CCL25: variants seen among roughly 807,000 people sequenced by gnomAD.
The protein encoded by CCL25 is C-C motif chemokine 25.
CCL25 carries 14 observed loss-of-function variants against 19.9 expected under a neutral mutation model. The ratio of observed to expected loss-of-function variants is 0.70; its 90% CI spans 0.47 to 1.10. CCL25 has a LOEUF of 1.10. Among genes scored for constraint, CCL25 ranks in the 50% least tolerant of loss-of-function variants. The pLI, the probability that CCL25 is intolerant of heterozygous loss-of-function variation, is 0.00. For synonymous variants in CCL25, 68 were observed against 73.2 expected (o/e 0.93, Z 0.36); for missense variants, 151 against 181.2 (o/e 0.83, Z 0.96).
chr19:8,057,661 C>T, intron 4 of CCL25, 140 bp from the exon 5 acceptor site: 2 of 1,329,644 alleles, frequency 1.5e-6, no homozygotes, highest in Non-Finnish European at 2.0e-6. Context: ...GGACACTTTC[C>T]ACTGGTACAG....
Position 8,056,437 on chromosome 19 carries a change from A to C in CCL25, c.263A>C (p.Lys88Thr), listed in dbSNP as rs1489200231. The C allele has an allele frequency of 6.2e-7, 1 of 1,614,160 alleles. No homozygotes were observed. Among genetic ancestry groups the C allele is most frequent in the South Asian group, 1.1e-5 (1 of 91,072 alleles). ...PKSREVQRAM[K>T]LLDARNKVFA... ...AGCAGGGAGGTGCAGAGAGCCATGA[A>C]GCTCCTGGATGCTCGAAATAAGGTT... The change falls in exon 4 of 6, where the codon AAG becomes ACG. Residue 88 changes from lysine to threonine, a missense_variant. Lys to Thr is a moderately conservative substitution (Grantham distance 78). Coordinates refer to ENST00000315626, the MANE Select transcript of CCL25 (RefSeq NM_005624.4).
chr19:8,056,475 C>T lies in CCL25; in HGVS notation c.301C>T (p.His101Tyr). Residue 101 changes from histidine to tyrosine, a missense_variant, in exon 4 of 6, where the codon CAC (histidine) becomes TAC (tyrosine). Coordinates refer to ENST00000315626, the MANE Select transcript of CCL25 (RefSeq NM_005624.4). ...DARNKVFAKL[H>Y]HNTQTFQAGP... The stretch of plus-strand genomic sequence containing the variant: ...TCGAAATAAGGTTTTTGCAAAGCTC[C>T]ACCACAACACGCAGACCTTCCAAGG... 1 of 1,614,114 alleles carries T rather than the reference C, an allele frequency of 6.2e-7. No individual in the cohort carries two copies. Among genetic ancestry groups the T allele is most frequent in the East Asian group, 2.2e-5 (1 of 44,892 alleles).
intron 2 of CCL25, among the ~76,000 whole-genome samples, chr19:8,054,889 T>A (rs1184992230): frequency 1.3e-5 from 2 of 151,796 alleles, no homozygotes; most frequent in Non-Finnish European, 2.9e-5. Flanking sequence ...GTTTTGCTAT[T>A]GTCGCCCAGG....
chr19:8,057,667 T>C, intron 4 of CCL25, 134 bp from the exon 5 acceptor site: 2 of 1,356,188 alleles, frequency 1.5e-6, no homozygotes, highest in Non-Finnish European at 1.9e-6. Context: ...TTTCCACTGG[T>C]ACAGATGGAA....
intron 5 of CCL25, among the ~76,000 whole-genome samples, chr19:8,059,949 C>T (rs571366336): frequency 2.5e-4 from 38 of 151,972 alleles, no homozygotes; most frequent in Middle Eastern, 6.8e-3. Context: ...ATTAGCCGGG[C>T]GTGGTGGCAG....
intron 4 of CCL25, 70 bp from the exon 5 acceptor site, chr19:8,057,731 G>T: frequency 1.3e-6 from 2 of 1,520,066 alleles, no homozygotes; most frequent in Non-Finnish European, 1.8e-6. Context: ...ACAGCTTCAG[G>T]CTCAGCTGGA....
chr19:8,053,095 G>T lies in CCL25; in HGVS notation c.46G>T (p.Ala16Ser). 2 of 1,557,010 alleles carry T rather than the reference G, an allele frequency of 1.3e-6. No individual in the cohort carries two copies. The highest frequency in any genetic ancestry group is 1.2e-5 in the South Asian group (1 of 84,394). Residue 16 changes from alanine (A) to serine (S), a missense_variant, in exon 2 of 6, where the codon GCC (alanine) becomes TCC (serine). Coordinates refer to ENST00000315626, the MANE Select transcript of CCL25 (RefSeq NM_005624.4). Reference sequence around the variant, plus strand: ...CTGCCTGGTGGCCGGCTTCCTGGGAGCCTGGGCCCCCGCTGTCCACACCCA... The same window carrying T: ...CTGCCTGGTGGCCGGCTTCCTGGGATCCTGGGCCCCCGCTGTCCACACCCA... The part of the protein sequence containing the change: ...LACLVAGFLG[A>S]WAPAVHTQGV...
chr19:8,058,203 G>A (rs2081285972), intron 5 of CCL25, among the ~76,000 whole-genome samples: 1 of 150,556 alleles, frequency 6.6e-6, no homozygotes, highest in Non-Finnish European at 1.5e-5. Flanking sequence ...GGGACCGGGT[G>A]GTTGTCCTGT....
At chr19:8,057,390 C>T (rs1003542940) in intron 4 of CCL25, among the ~76,000 whole-genome samples, 1 of 152,030 alleles carries the variant, frequency 6.6e-6, no homozygotes, top group African/African-American at 2.4e-5. Context: ...AGTGCAGTGG[C>T]ACAATCACAT....
intron 2 of CCL25, among the ~76,000 whole-genome samples, chr19:8,055,263 T>C (rs1334466625): frequency 1.0e-5 from 1 of 97,696 alleles, no homozygotes; most frequent in East Asian, 3.9e-4. Context: ...CACTCCAGCC[T>C]GGGTGACAGA....
At chr19:8,058,483 A>AATATATAATATATATAAGTAAATATATT in intron 5 of CCL25, among the ~76,000 whole-genome samples, 1 of 106,712 alleles carries the variant, frequency 9.4e-6, no homozygotes, top group Non-Finnish European at 1.9e-5. Flanking sequence ...ATAATATATA[A>AATATATAATATATATAAGTAAATATATT]ATATATAATA....
chr19:8,053,870 C>T (rs558405088), intron 2 of CCL25, among the ~76,000 whole-genome samples: 67 of 152,184 alleles, frequency 4.4e-4, no homozygotes, highest in Middle Eastern at 6.8e-3. Flanking sequence ...TAGGAGCCTC[C>T]GTTTCCTCAG....
intron 5 of CCL25, among the ~76,000 whole-genome samples, chr19:8,058,816 G>GCC (rs2081294109): frequency 7.1e-6 from 1 of 140,172 alleles, no homozygotes; most frequent in Non-Finnish European, 1.5e-5. Flanking sequence ...CCGCCACCAC[G>GCC]CTGGGCTAAT....
Position 8,057,695 on chromosome 19 carries a change from G to C in CCL25, c.326-106G>C, listed in dbSNP as rs1022451842. 1.0e-5 allele frequency: 15 copies of C among 1,439,704 alleles called. No homozygotes were observed. The African/African-American group carries it at 1.9e-4, about 18-fold the overall frequency. 89.2% of individuals were successfully genotyped at this position (1,439,704 alleles called of 1,614,324 possible). On this transcript the variant is annotated intron_variant, in intron 4 of 5. Coordinates refer to ENST00000315626, the MANE Select transcript of CCL25 (RefSeq NM_005624.4). ...AGATGGAAAGCTCAAGCACATGGGA[G>C]ACTCATTGGCTTAAATAACCAGTCA...
Position 8,052,816 on chromosome 19 carries a change from G to C in CCL25, c.-57G>C, listed in dbSNP as rs1397019379. 1 of 489,544 alleles carries C rather than the reference G, an allele frequency of 2.0e-6. No individual in the cohort carries two copies. Among genetic ancestry groups the C allele is most frequent in the Non-Finnish European group, 3.6e-6 (1 of 275,224 alleles). 30.3% of individuals were successfully genotyped at this position (489,544 alleles called of 1,614,324 possible). A position where few individuals can be genotyped will look rare whatever the true frequency, so the allele number is the denominator to read the frequency against. ...GGGCATCAGCTCCCTTGACCCAGTG[G>C]ATATCGGTGAGTCTTTTCCTTGAAC... is the stretch of plus-strand genomic sequence containing the variant. On this transcript the variant is annotated 5_prime_UTR_variant, in exon 1 of 6. Transcript: ENST00000315626.
At chr19:8,057,208 C>T (rs1305801705) in intron 4 of CCL25, among the ~76,000 whole-genome samples, 1 of 151,998 alleles carries the variant, frequency 6.6e-6, no homozygotes, top group Non-Finnish European at 1.5e-5. Context: ...TTAGTAGAGA[C>T]GGGGTTTCAC....
Position 8,056,194 on chromosome 19 carries a change from G to A in CCL25, c.116G>A (p.Gly39Glu), listed in dbSNP as rs975012624. 1.3e-6 allele frequency: 2 copies of A among 1,563,488 alleles called. No individual in the cohort carries two copies. Among genetic ancestry groups the A allele is most frequent in the African/African-American group, 1.4e-5 (1 of 73,420 alleles). Reference sequence around the variant, plus strand: ...TGCCTGGCCTACCACTACCCCATTGGGTGGGCTGTGCTCCGGCGCGCCTGG... The same window carrying A: ...TGCCTGGCCTACCACTACCCCATTGAGTGGGCTGTGCTCCGGCGCGCCTGG... Reference protein sequence around the residue: ...DCCLAYHYPIGWAVLRRAWTY... With the variant: ...DCCLAYHYPIEWAVLRRAWTY... The change falls in exon 3 of 6, where the codon GGG (glycine) becomes GAG (glutamate). Residue 39 changes from glycine (G) to glutamate (E), a missense_variant. Physicochemically the swap from Gly to Glu is moderately conservative, Grantham distance 98 (BLOSUM62 -2). Coordinates refer to ENST00000315626, the MANE Select transcript of CCL25 (RefSeq NM_005624.4).
intron 5 of CCL25, 60 bp downstream of exon 5, chr19:8,057,980 C>CTCG: frequency 6.3e-7 from 1 of 1,576,062 alleles, no homozygotes; most frequent in East Asian, 2.3e-5. Context: ...GGGTTGAGGG[C>CTCG]TCGTGATTGG....
intron 5 of CCL25, among the ~76,000 whole-genome samples, chr19:8,061,454 A>AT (rs999063333): frequency 1.2e-4 from 19 of 152,140 alleles, no homozygotes; most frequent in Non-Finnish European, 1.9e-4. Flanking sequence ...CAACCAGGGA[A>AT]TTTTTTAGAA....
Sources: gnomAD v4.1 joint callset for allele counts (sites outside exome capture counted in the v4.1 genomes callset) on GRCh38, gnomAD v4.1.1 for gene constraint, MANE v1.5 for transcripts, NCBI Gene and HGNC (gene_info 2026-07-23, HGNC 2026-07-21) for gene names.